The following SORCS1 variants were observed in gnomAD, a reference collection of about 807,000 sequenced individuals.
SORCS1 encodes the protein sortilin related VPS10 domain containing receptor 1.
In SORCS1, 60 loss-of-function variants were observed where a neutral mutation model predicts 146.1. That is an observed-to-expected ratio of 0.41 (90% CI 0.33 to 0.51). SORCS1 has a LOEUF of 0.51. Ranked by LOEUF, SORCS1 falls within the 20% of genes least tolerant of loss-of-function variation. SORCS1 has a pLI of 0.21. For synonymous variants in SORCS1, 637 were observed against 584.0 expected, an observed-to-expected ratio of 1.09 and a Z score of -1.31; for missense variants, 1,352 against 1,487.6, an observed-to-expected ratio of 0.91 and a Z score of 1.50.
chr10:106,614,068 T>C (rs1219183464), intron 21 of SORCS1, among the ~76,000 whole-genome samples: 6 of 152,184 alleles, frequency 3.9e-5, no homozygotes, highest in African/African-American at 1.4e-4. Flanking sequence ...TTCATTGATA[T>C]GTCCTTCAAA....
intron 24 of SORCS1, among the ~76,000 whole-genome samples, chr10:106,591,817 C>T (rs7092711): frequency 0.012 from 1,900 of 152,212 alleles, 48 homozygotes; most frequent in African/African-American, 0.044. Context: ...AGATGTCATG[C>T]AAATGTTGGC....
At chr10:106,696,947 A>G (rs939060737) in intron 9 of SORCS1, among the ~76,000 whole-genome samples, 2 of 152,192 alleles carry the variant, frequency 1.3e-5, no homozygotes, top group African/African-American at 4.8e-5. Context: ...AAGTCAGAAT[A>G]TGTTTTTGGG....
chr10:106,717,811 T>C (rs821944), intron 6 of SORCS1, among the ~76,000 whole-genome samples: 121,734 of 152,122 alleles, frequency 0.8, 51,255 homozygotes, highest in Non-Finnish European at 0.94. Flanking sequence ...GTGAGCGCAT[T>C]CTAGGATGAA....
chr10:107,136,929 T>C (rs1967350874), intron 1 of SORCS1, among the ~76,000 whole-genome samples: 1 of 152,164 alleles, frequency 6.6e-6, no homozygotes, highest in Non-Finnish European at 1.5e-5. Context: ...TGGGAACAAA[T>C]TCCCCTCAAA....
At chr10:107,172,674 G>A in the SORCS1 span, among the ~76,000 whole-genome samples, 1 of 152,192 alleles carries the variant, frequency 6.6e-6, no homozygotes. Context: ...GAATAACAAA[G>A]CTAATGCTCT....
At chr10:107,041,823 T>C (rs1424346351) in intron 1 of SORCS1, among the ~76,000 whole-genome samples, 1 of 152,150 alleles carries the variant, frequency 6.6e-6, no homozygotes, top group Admixed American at 6.5e-5. Flanking sequence ...GACAAACCAA[T>C]TAGTGTTAAA....
intron 1 of SORCS1, among the ~76,000 whole-genome samples, chr10:107,110,140 T>A (rs1468418006): frequency 1.3e-5 from 2 of 152,154 alleles, no homozygotes; most frequent in African/African-American, 4.8e-5. Context: ...CTGTAGGAAG[T>A]TCCAAACTGT....
At chr10:106,752,212 T>C (rs1858307604) in intron 5 of SORCS1, among the ~76,000 whole-genome samples, 1 of 152,156 alleles carries the variant, frequency 6.6e-6, no homozygotes, top group Admixed American at 6.5e-5. Context: ...GTATGATATA[T>C]TACATTTTAT....
intron 8 of SORCS1, among the ~76,000 whole-genome samples, chr10:106,701,252 T>C (rs1854119870): frequency 6.6e-6 from 1 of 152,188 alleles, no homozygotes; most frequent in Admixed American, 6.5e-5. Context: ...GGATTGATGT[T>C]TTTTGAAAAA....
At chr10:106,603,953 G>A (rs182704720) in intron 23 of SORCS1, among the ~76,000 whole-genome samples, 1 of 152,240 alleles carries the variant, frequency 6.6e-6, no homozygotes, top group Admixed American at 6.5e-5. Context: ...GCAGGGACTA[G>A]CTAAGAGATG....
At chr10:106,719,422 T>C (rs76779766) in intron 6 of SORCS1, among the ~76,000 whole-genome samples, 4 of 149,854 alleles carry the variant, frequency 2.7e-5, no homozygotes, top group South Asian at 4.2e-4. Context: ...TTCTTTCTTT[T>C]TTTTTTTTTT....
rs544294135 is a variant in SORCS1 at position 106,832,377 on chromosome 10, T to C, written c.627-2704A>G. 3.3e-5 allele frequency among the ~76,000 whole-genome samples: 5 copies of C among 152,084 alleles called. No homozygotes were observed. In the East Asian group the frequency reaches 9.7e-4, roughly 29 times the overall value. ...CTAATTTTTGTATTTTTAGTAGAAA[T>C]GGGGTTTCACCATGTTGGTCAGGCT... On this transcript the variant is annotated intron_variant, in intron 2 of 25. Coordinates refer to ENST00000263054, the MANE Select transcript of SORCS1 (RefSeq NM_052918.5).
Position 106,667,773 on chromosome 10 carries a change from C to G in SORCS1, c.2219G>C (p.Gly740Ala). 1.2e-6 allele frequency: 2 copies of G among 1,614,028 alleles called. No individual in the cohort carries two copies. The highest frequency in any genetic ancestry group is 1.7e-6 in the Non-Finnish European group (2 of 1,179,974). ...GAACCAAAATGCCGGCAGGCACTGG[C>G]CATTGCTGTGTCGCTCATAACCATA... The part of the protein sequence containing the change: ...CDYGYERHSN[G>A]QCLPAFWFNP... The change falls in exon 17 of 26, where the codon GGC becomes GCC. Residue 740 changes from glycine (G) to alanine (A), a missense_variant. Physicochemically the swap from Gly to Ala is moderately conservative, Grantham distance 60. Coordinates refer to ENST00000263054, the MANE Select transcript of SORCS1 (RefSeq NM_052918.5).
At chr10:106,737,590 T>C (rs1412237070) in intron 5 of SORCS1, among the ~76,000 whole-genome samples, 1 of 152,060 alleles carries the variant, frequency 6.6e-6, no homozygotes, top group African/African-American at 2.4e-5. Context: ...CCAGGCGTGG[T>C]GGCACACATC....
chr10:106,900,751 G>T (rs1282276764), intron 2 of SORCS1, among the ~76,000 whole-genome samples: 2 of 152,048 alleles, frequency 1.3e-5, no homozygotes, highest in Non-Finnish European at 2.9e-5. Flanking sequence ...ATCTGTTTCT[G>T]GTTGAACTCG....
At chr10:107,086,084 C>G (rs1028327191) in intron 1 of SORCS1, among the ~76,000 whole-genome samples, 1 of 152,176 alleles carries the variant, frequency 6.6e-6, no homozygotes, top group Non-Finnish European at 1.5e-5. Context: ...GGAGAGAATT[C>G]GGGCACTGGA....
chr10:106,983,793 G>C (rs755955513), intron 1 of SORCS1, among the ~76,000 whole-genome samples: 2 of 152,176 alleles, frequency 1.3e-5, no homozygotes, highest in Non-Finnish European at 2.9e-5. Flanking sequence ...ACTTAACACG[G>C]AAGAGCAGCA....
rs141752473 is a variant in SORCS1, at chr10:106,953,798, C to A, written c.626+2715G>T. Among the ~76,000 whole-genome samples, 131 of 152,194 alleles carry A rather than the reference C, an allele frequency of 8.6e-4. 1 individual carries two copies. In the East Asian group the frequency reaches 0.02, roughly 24 times the overall value. On this transcript the variant is annotated intron_variant, in intron 2 of 25. Transcript: ENST00000263054. ...AAACAAAAGAGATACAGGAAAAATA[C>A]AGTATAATTTTATGGGACCACTATT...
At chr10:106,684,966 C>T (rs1852712634) in intron 10 of SORCS1, among the ~76,000 whole-genome samples, 1 of 152,174 alleles carries the variant, frequency 6.6e-6, no homozygotes, top group Non-Finnish European at 1.5e-5. Flanking sequence ...TCACCTGCAG[C>T]CTGCTTTCTG....
Sources: gnomAD v4.1 joint callset for allele counts (sites outside exome capture counted in the v4.1 genomes callset) on GRCh38, gnomAD v4.1.1 for gene constraint, MANE v1.5 for transcripts, NCBI Gene and HGNC (gene_info 2026-07-23, HGNC 2026-07-21) for gene names.